Variants in MINDY2 observed in about 807,000 individuals in gnomAD.
The protein encoded by MINDY2 is ubiquitin carboxyl-terminal hydrolase MINDY-2.
MINDY2 carries 52 observed loss-of-function variants against 68.2 expected under a neutral mutation model. The observed-to-expected ratio is 0.76, with a 90% CI of 0.61 to 0.96. The LOEUF is 0.96. Among genes scored for constraint, MINDY2 ranks in the 40% least tolerant of loss-of-function variants. The pLI, the probability that MINDY2 is intolerant of heterozygous loss-of-function variation, is 0.00. For missense variants in MINDY2, 881 were observed against 773.4 expected, an observed-to-expected ratio of 1.14 and a Z score of -1.65; for synonymous variants, 372 against 303.0, an observed-to-expected ratio of 1.23 and a Z score of -2.36.
At chr15:58,777,511 C>A (rs1410099976) in intron 1 of MINDY2, among the ~76,000 whole-genome samples, 2 of 152,026 alleles carry the variant, frequency 1.3e-5, no homozygotes, top group African/African-American at 4.8e-5. Flanking sequence ...GTGTGGCTAA[C>A]GCCTGGAATC....
intron 1 of MINDY2, among the ~76,000 whole-genome samples, chr15:58,786,745 A>G (rs1209259925): frequency 6.6e-6 from 1 of 152,166 alleles, no homozygotes; most frequent in African/African-American, 2.4e-5. Flanking sequence ...ATCCCCTTAA[A>G]AGCCCCTTTC....
chr15:58,835,428 G>A (rs1212736766), intron 6 of MINDY2, among the ~76,000 whole-genome samples: 1 of 152,114 alleles, frequency 6.6e-6, no homozygotes, highest in Non-Finnish European at 1.5e-5. Flanking sequence ...CGAGGCGGGT[G>A]AATCACTTGA....
At chr15:58,792,579 C>G (rs1402637021) in intron 2 of MINDY2, among the ~76,000 whole-genome samples, 1 of 152,130 alleles carries the variant, frequency 6.6e-6, no homozygotes, top group Non-Finnish European at 1.5e-5. Flanking sequence ...GCACTCCAGC[C>G]TGGGCGACAG....
At chr15:58,820,526 A>T (rs552493888) in intron 4 of MINDY2, among the ~76,000 whole-genome samples, 179 of 152,108 alleles carry the variant, frequency 1.2e-3, no homozygotes, top group Non-Finnish European at 2.0e-3. Flanking sequence ...GAATTAACTG[A>T]TTGTTTACTC....
chr15:58,816,143 A>G (rs2030671202), intron 4 of MINDY2, among the ~76,000 whole-genome samples: 1 of 152,248 alleles, frequency 6.6e-6, no homozygotes, highest in South Asian at 2.1e-4. Flanking sequence ...CTAGGAAACC[A>G]GAGATCATAA....
rs367557279 is a variant in MINDY2, at chr15:58,850,493, TTTG to T, written c.1543-1272_1543-1270del. On this transcript the variant is annotated intron_variant, in intron 7 of 8. Coordinates refer to ENST00000559228, the MANE Select transcript of MINDY2 (RefSeq NM_001040450.3). Reference sequence around the variant, plus strand: ...GTAATGATATTATGGTGATTTAAACTTTGTTGTTTATGGTTTTCAGTTTTGTCT... The same window carrying T: ...GTAATGATATTATGGTGATTTAAACTTTGTTTATGGTTTTCAGTTTTGTCT... Among the ~76,000 whole-genome samples, 111 of 152,324 alleles carry T rather than the reference TTTG, an allele frequency of 7.3e-4. 1 individual carries two copies. The East Asian group carries it at 0.02, about 27-fold the overall frequency.
chr15:58,784,930 C>T (rs976270311), intron 1 of MINDY2, among the ~76,000 whole-genome samples: 2 of 151,828 alleles, frequency 1.3e-5, no homozygotes, highest in African/African-American at 4.8e-5. Flanking sequence ...CCACCGTACC[C>T]AGCCTGTTAT....
chr15:58,793,554 TTAAG>T (rs1902078290), intron 2 of MINDY2, among the ~76,000 whole-genome samples: 1 of 152,212 alleles, frequency 6.6e-6, no homozygotes, highest in Non-Finnish European at 1.5e-5. Flanking sequence ...ATTGTACATT[TTAAG>T]TGAGTAGCTT....
intron 6 of MINDY2, among the ~76,000 whole-genome samples, chr15:58,845,890 T>G (rs2032505291): frequency 6.6e-6 from 1 of 152,140 alleles, no homozygotes; most frequent in South Asian, 2.1e-4. Context: ...TCCTGTCAAA[T>G]GCAACAACAT....
Position 58,772,109 on chromosome 15 carries a change from G to A in MINDY2, c.714G>A (p.Pro238=). ...TGGCGGCCTCCAAGGAACGCTTCCC[G>A]GGACAATCTGTGTATCACATCAAGT... The part of the protein sequence containing the change: ...QVLAASKERF[P]GQSVYHIKWI... Residue 238 remains proline (P), a synonymous_variant, in exon 1 of 9, where the codon CCG becomes CCA. Transcript: ENST00000559228. 1 of 1,613,972 alleles carries A rather than the reference G, an allele frequency of 6.2e-7. No homozygotes were observed. The highest frequency in any genetic ancestry group is 8.5e-7 in the Non-Finnish European group (1 of 1,179,918).
chr15:58,853,784 G>A (rs1228362705), intron 8 of MINDY2, among the ~76,000 whole-genome samples: 1 of 135,194 alleles, frequency 7.4e-6, no homozygotes, highest in African/African-American at 2.8e-5. Flanking sequence ...TTGTGCCACT[G>A]CACTCCAGCC....
intron 2 of MINDY2, among the ~76,000 whole-genome samples, chr15:58,801,376 C>A (rs1356789887): frequency 4.3e-5 from 3 of 70,482 alleles, no homozygotes; most frequent in Non-Finnish European, 2.4e-5. Context: ...AAGACCCCAT[C>A]TCTTAAAAAA....
At chr15:58,825,185 T>C (rs1413155620) in intron 5 of MINDY2, among the ~76,000 whole-genome samples, 5 of 152,218 alleles carry the variant, frequency 3.3e-5, no homozygotes, top group Non-Finnish European at 5.9e-5. Flanking sequence ...GAATAAGAAA[T>C]ACATTCACTA....
At chr15:58,833,124 A>T (rs2031822154) in intron 6 of MINDY2, among the ~76,000 whole-genome samples, 1 of 152,214 alleles carries the variant, frequency 6.6e-6, no homozygotes, top group African/African-American at 2.4e-5. Context: ...TTGTCAACTT[A>T]TACATAGATT....
chr15:58,829,106 G>C (rs1019167722), intron 5 of MINDY2, among the ~76,000 whole-genome samples: 1 of 152,108 alleles, frequency 6.6e-6, no homozygotes, highest in Admixed American at 6.5e-5. Context: ...ATAAACTGCT[G>C]TGTAACACTT....
At chr15:58,848,218 A>G (rs1415710355) in intron 7 of MINDY2, among the ~76,000 whole-genome samples, 1 of 152,142 alleles carries the variant, frequency 6.6e-6, no homozygotes, top group Non-Finnish European at 1.5e-5. Flanking sequence ...CATGTTAAAC[A>G]GTTGACATAT....
At chr15:58,803,468 TAAA>T (rs542134628) in intron 3 of MINDY2, among the ~76,000 whole-genome samples, 8 of 122,946 alleles carry the variant, frequency 6.5e-5, no homozygotes, top group East Asian at 2.3e-4. Flanking sequence ...CTCTGTCTCA[TAAA>T]AAAAAAAAAA....
rs1372503172 is a variant in MINDY2 at position 58,856,949 on chromosome 15, A to G, written c.*2339A>G. 2.6e-5 allele frequency: 4 copies of G among 152,248 alleles called. No individual in the cohort carries two copies. Among genetic ancestry groups the G allele is most frequent in the South Asian group, 4.1e-4 (2 of 4,836 alleles). The allele number at this position is 152,248 out of a possible 1,614,324, so 9.4% of individuals were successfully genotyped here. On this transcript the variant is annotated 3_prime_UTR_variant, in exon 9 of 9. Coordinates refer to ENST00000559228, the MANE Select transcript of MINDY2 (RefSeq NM_001040450.3). The stretch of plus-strand genomic sequence containing the variant: ...TCCAAAGAAAATGCTGCCATACTGC[A>G]TTCCCTCTGGAAGGAAACAAAACAA...
At position 58,859,182 on chromosome 15, in the gene MINDY2, C is replaced by G. The variant is rs1228756547; in HGVS notation, c.*4572C>G. 2 of 151,854 alleles carry G rather than the reference C, an allele frequency of 1.3e-5. No individual in the cohort carries two copies. 9.4% of individuals were successfully genotyped at this position (151,854 alleles called of 1,614,324 possible). ...TACAGTTTTTTGTGTGTTCTATAGA[C>G]TATAGAGTCAAAATCAAGAGTATTT... is the stretch of plus-strand genomic sequence containing the variant. On this transcript the variant is annotated 3_prime_UTR_variant, in exon 9 of 9. Coordinates refer to ENST00000559228, the MANE Select transcript of MINDY2 (RefSeq NM_001040450.3).
Sources: allele counts gnomAD v4.1 joint callset (sites outside exome capture counted in the v4.1 genomes callset), GRCh38; gene constraint gnomAD v4.1.1; transcripts MANE v1.5; gene names NCBI Gene and HGNC (gene_info 2026-07-23, HGNC 2026-07-21).